Variants in TMEM74 observed in about 807,000 individuals in gnomAD.
The protein encoded by TMEM74 is transmembrane protein 74.
TMEM74 carries 13 observed loss-of-function variants against 18.1 expected under a neutral mutation model. The ratio of observed to expected loss-of-function variants is 0.72; its 90% CI spans 0.47 to 1.14. The LOEUF is 1.14. Ranked by LOEUF, TMEM74 falls within the 50% of genes most tolerant of loss-of-function variation. The pLI, the probability that TMEM74 is intolerant of heterozygous loss-of-function variation, is 0.00. For synonymous variants in TMEM74, 159 were observed against 146.6 expected, an observed-to-expected ratio of 1.08 and a Z score of -0.61; for missense variants, 372 against 375.9, an observed-to-expected ratio of 0.99 and a Z score of 0.09.
intron 1 of TMEM74, among the ~76,000 whole-genome samples, chr8:108,763,716 T>A (rs1814070706): frequency 6.6e-6 from 1 of 152,192 alleles, no homozygotes. Flanking sequence ...ACTGGTATTC[T>A]TATTTTAATT....
In TMEM74 at chr8:108,730,634, C is replaced by CTTTTTTTTTTTTTTTTTTTTTTTTTTTT. The variant is rs1199122765; in HGVS notation, n.119+56841_119+56842insAAAAAAAAAAAAAAAAAAAAAAAAAAAA. 2.7e-4 allele frequency among the ~76,000 whole-genome samples: 36 copies of CTTTTTTTTTTTTTTTTTTTTTTTTTTTT among 132,170 alleles called. 2 individuals are homozygous for CTTTTTTTTTTTTTTTTTTTTTTTTTTTT. Among genetic ancestry groups the CTTTTTTTTTTTTTTTTTTTTTTTTTTTT allele is most frequent in the African/African-American group, 1.1e-3 (36 of 32,664 alleles). The allele number at this position is 132,170 out of a possible 152,430, so 86.7% of individuals were successfully genotyped here. ...TTAGCTTTAAATGTATGCAGACTTCCTTTTTTTTTTTTTTTTTGTGACGGA... is the reference window on the plus strand; with the variant it reads ...TTAGCTTTAAATGTATGCAGACTTCCTTTTTTTTTTTTTTTTTTTTTTTTTTTTTTTTTTTTTTTTTTTTTGTGACGGA... On this transcript the variant is annotated intron_variant and non_coding_transcript_variant, in intron 1 of 3. Transcript: ENST00000518838.
chr8:108,774,777 T>C (rs1814209974), downstream of TMEM74, among the ~76,000 whole-genome samples: 1 of 131,400 alleles, frequency 7.6e-6, no homozygotes, highest in Non-Finnish European at 1.6e-5. Context: ...TTTTTTTTTT[T>C]CTGTAGAGAC....
In TMEM74 at chr8:108,678,351, G is replaced by A. The variant is rs867177767; in HGVS notation, n.120-22914C>T. ...ATCTGGAAACAAAAAGTAATCCTAC[G>A]CTGCCATTATTATTATTTATTTTTA... is the stretch of plus-strand genomic sequence containing the variant. On this transcript the variant is annotated intron_variant and non_coding_transcript_variant, in intron 1 of 3. Coordinates refer to the TMEM74 transcript ENST00000518838. Among the ~76,000 whole-genome samples, 94 of 151,862 alleles carry A rather than the reference G, an allele frequency of 6.2e-4. 1 individual carries two copies. Among genetic ancestry groups the A allele is most frequent in the African/African-American group, 2.2e-3 (90 of 41,434 alleles).
chr8:108,723,353 A>AT (rs1813604188), intron 1 of TMEM74, among the ~76,000 whole-genome samples: 2 of 152,218 alleles, frequency 1.3e-5, no homozygotes, highest in African/African-American at 4.8e-5. Context: ...TGGCAAAATC[A>AT]GAAAATTCAA....
chr8:108,620,003 C>G (rs1009288101), intron 2 of TMEM74, among the ~76,000 whole-genome samples: 4 of 152,080 alleles, frequency 2.6e-5, no homozygotes, highest in African/African-American at 9.7e-5. Context: ...CTTCTTCCTC[C>G]TCCTTCTCTT....
intron 1 of TMEM74, among the ~76,000 whole-genome samples, chr8:108,657,842 CAAAAA>C (rs1157229913): frequency 1.1e-3 from 19 of 16,678 alleles, no homozygotes; most frequent in African/African-American, 2.1e-3. Flanking sequence ...GACACCGTCT[CAAAAA>C]AAAAAAAAAA....
At chr8:108,698,907 C>T (rs1813307196) in intron 1 of TMEM74, among the ~76,000 whole-genome samples, 1 of 152,002 alleles carries the variant, frequency 6.6e-6, no homozygotes, top group African/African-American at 2.4e-5. Context: ...TCATGGAAAA[C>T]AATCTTGGCT....
At chr8:108,676,955 A>G (rs1264486252) in intron 1 of TMEM74, among the ~76,000 whole-genome samples, 1 of 152,256 alleles carries the variant, frequency 6.6e-6, no homozygotes. Context: ...ATGTTGAGGA[A>G]AAGTTTCAAT....
chr8:108,659,902 C>G (rs1421199119), intron 1 of TMEM74, among the ~76,000 whole-genome samples: 1 of 152,098 alleles, frequency 6.6e-6, no homozygotes, highest in African/African-American at 2.4e-5. Context: ...AGTGAGAGCA[C>G]AAAGCCCCAG....
chr8:108,654,836 G>C (rs866481501), intron 2 of TMEM74, among the ~76,000 whole-genome samples: 4 of 151,728 alleles, frequency 2.6e-5, no homozygotes, highest in Admixed American at 1.3e-4. Flanking sequence ...TAAAGTTCCT[G>C]GTGCATGCAG....
At chr8:108,619,275 A>T (rs1812415410) in intron 2 of TMEM74, among the ~76,000 whole-genome samples, 1 of 152,208 alleles carries the variant, frequency 6.6e-6, no homozygotes, top group Admixed American at 6.5e-5. Flanking sequence ...AGGAGTTTTG[A>T]GTAATAATTT....
chr8:108,734,313 T>C, intron 1 of TMEM74, among the ~76,000 whole-genome samples: 1 of 151,888 alleles, frequency 6.6e-6, no homozygotes. Context: ...AGAGTCCCTC[T>C]AGTGGTTTCC....
rs563035458 is a variant in TMEM74 at position 108,643,726 on chromosome 8, C to T, written n.264+11567G>A. The stretch of plus-strand genomic sequence containing the variant: ...CTCTAAAAGAAAAAGAAAACGAAAG[C>T]AAGAATGCATATCCCATTCACAATA... On this transcript the variant is annotated intron_variant and non_coding_transcript_variant, in intron 2 of 3. Transcript: ENST00000518838. Among the ~76,000 whole-genome samples the T allele has an allele frequency of 3.3e-5, 5 of 149,636 alleles. No individual in the cohort carries two copies. In the South Asian group the frequency reaches 1.1e-3, roughly 32 times the overall value.
chr8:108,653,506 C>T (rs944782072), intron 2 of TMEM74, among the ~76,000 whole-genome samples: 2 of 152,080 alleles, frequency 1.3e-5, no homozygotes, highest in Admixed American at 1.3e-4. Context: ...ACAGGATGTA[C>T]TTGTATTTAT....
At chr8:108,746,525 T>C (rs1287372924) in intron 1 of TMEM74, among the ~76,000 whole-genome samples, 2 of 152,292 alleles carry the variant, frequency 1.3e-5, no homozygotes, top group Non-Finnish European at 2.9e-5. Flanking sequence ...TGTGATATTA[T>C]AATTTATAAT....
At chr8:108,698,551 A>G (rs974857786) in intron 1 of TMEM74, among the ~76,000 whole-genome samples, 1 of 152,192 alleles carries the variant, frequency 6.6e-6, no homozygotes, top group African/African-American at 2.4e-5. Context: ...AGATTTCAAT[A>G]AATGCTAGCT....
At chr8:108,771,842 G>T (rs1814176547) in intron 1 of TMEM74, among the ~76,000 whole-genome samples, 1 of 152,106 alleles carries the variant, frequency 6.6e-6, no homozygotes, top group Admixed American at 6.6e-5. Flanking sequence ...GATGCTGGGA[G>T]AAAGGATACC....
intron 1 of TMEM74, among the ~76,000 whole-genome samples, chr8:108,706,557 C>A (rs1457254219): frequency 2.0e-5 from 3 of 152,098 alleles, no homozygotes; most frequent in Admixed American, 1.3e-4. Context: ...GAATCATTGA[C>A]CCTTAATAGG....
Position 108,709,707 on chromosome 8 carries a change from CA to C in TMEM74, n.120-54271del, listed in dbSNP as rs1209529964. On this transcript the variant is annotated intron_variant and non_coding_transcript_variant, in intron 1 of 3. Transcript: ENST00000518838. ...TTTTACTGCCAAAACAAAACAAAAT[CA>C]AACAAAAATACTCCCCAAAACAAAA... 4.6e-5 allele frequency among the ~76,000 whole-genome samples: 7 copies of C among 152,030 alleles called. No individual in the cohort carries two copies. The East Asian group carries it at 1.4e-3, about 29-fold the overall frequency.
Sources: allele counts gnomAD v4.1 joint callset (sites outside exome capture counted in the v4.1 genomes callset), GRCh38; gene constraint gnomAD v4.1.1; transcripts MANE v1.5; gene names NCBI Gene and HGNC (gene_info 2026-07-23, HGNC 2026-07-21).